Variants in TMEM171 observed in about 807,000 individuals in gnomAD.
TMEM171 encodes proline-rich protein PRP2.
In TMEM171, 16 loss-of-function variants were observed where a neutral mutation model predicts 19.1. That is an observed-to-expected ratio of 0.84 (90% CI 0.57 to 1.27). The LOEUF is 1.27. TMEM171 is among the 50% of genes most tolerant of loss of function. The pLI, the probability that TMEM171 is intolerant of heterozygous loss-of-function variation, is 0.00. For missense variants in TMEM171, 429 were observed against 412.7 expected, an observed-to-expected ratio of 1.04 and a Z score of -0.34; for synonymous variants, 153 against 163.4, an observed-to-expected ratio of 0.94 and a Z score of 0.48.
At chr5:73,127,384 A>AAATATATATATATATATATAT in intron 2 of TMEM171, among the ~76,000 whole-genome samples, 4 of 81,682 alleles carry the variant, frequency 4.9e-5, no homozygotes, top group African/African-American at 1.3e-4. Flanking sequence ...AAAAAAAAAA[A>AAATATATATATATATATATAT]ATATATATAT....
Position 73,123,836 on chromosome 5 carries a change from C to T in TMEM171, c.463C>T (p.Pro155Ser). 1 of 1,613,216 alleles carries T rather than the reference C, an allele frequency of 6.2e-7. No individual in the cohort carries two copies. The highest frequency in any genetic ancestry group is 1.1e-5 in the South Asian group (1 of 90,914). Reference sequence around the variant, plus strand: ...CGAGACAGACACTGGCGACTCAGAGCCCCGGATGTGTGGGTTCCTTTCTCT... The same window carrying T: ...CGAGACAGACACTGGCGACTCAGAGTCCCGGATGTGTGGGTTCCTTTCTCT... ...LNETDTGDSE[P>S]RMCGFLSLQI... The change falls in exon 2 of 4, where the codon CCC becomes TCC. Residue 155 changes from proline to serine, a missense_variant. Physicochemically the swap from Pro to Ser is moderately conservative, Grantham distance 74. Transcript: ENST00000454765.
At chr5:73,131,294 T>G (rs1175769507) in intron 3 of TMEM171, among the ~76,000 whole-genome samples, 1 of 152,118 alleles carries the variant, frequency 6.6e-6, no homozygotes, top group East Asian at 1.9e-4. Flanking sequence ...TTCAATGTCT[T>G]TTCAATGACA....
At chr5:73,120,972 T>C (rs1371753401) in intron 1 of TMEM171, among the ~76,000 whole-genome samples, 1 of 152,222 alleles carries the variant, frequency 6.6e-6, no homozygotes, top group Non-Finnish European at 1.5e-5. Flanking sequence ...GAAATGTCTT[T>C]TGGAAAACCA....
chr5:73,131,517 GT>G lies in TMEM171; in HGVS notation c.783-19del. ...ACTGTTTTCATCCCCTCCCCTTCAT[GT>G]TCTCTCTCCTTCTCTTTAGCAGGAC... On this transcript the variant is annotated intron_variant, in intron 3 of 3. Transcript: ENST00000454765. 1 of 1,556,936 alleles carries G rather than the reference GT, an allele frequency of 6.4e-7. No homozygotes were observed. Among genetic ancestry groups the G allele is most frequent in the Admixed American group, 1.9e-5 (1 of 51,398 alleles).
chr5:73,131,563 G>A lies in TMEM171; in HGVS notation c.808G>A (p.Ala270Thr). 1 of 1,606,676 alleles carries A rather than the reference G, an allele frequency of 6.2e-7. No homozygotes were observed. The highest frequency in any genetic ancestry group is 8.5e-7 in the Non-Finnish European group (1 of 1,177,236). ...CAGGACCCCAACTTCAGAGGGTGCAGCCTCTGAAAGAGACTGTGAATCTAT... is the reference window on the plus strand; with the variant it reads ...CAGGACCCCAACTTCAGAGGGTGCAACCTCTGAAAGAGACTGTGAATCTAT... ...YGRTPTSEGA[A>T]SERDCESIYT... The change falls in exon 4 of 4, where the codon GCC becomes ACC. Residue 270 changes from alanine (A) to threonine (T), a missense_variant. Physicochemically the swap from Ala to Thr is moderately conservative, Grantham distance 58. Coordinates refer to ENST00000454765, the MANE Select transcript of TMEM171 (RefSeq NM_173490.8).
intron 3 of TMEM171, 53 bp from the exon 4 acceptor site, chr5:73,131,485 G>A: frequency 7.1e-7 from 1 of 1,415,338 alleles, no homozygotes; most frequent in Non-Finnish European, 9.5e-7. Context: ...AGTACTAAAG[G>A]GGTGTCACTG....
intron 3 of TMEM171, among the ~76,000 whole-genome samples, chr5:73,130,662 A>AT (rs1187974140): frequency 6.6e-6 from 1 of 151,880 alleles, no homozygotes; most frequent in Admixed American, 6.6e-5. Context: ...CTGATGGGAG[A>AT]GGGAAAGAGG....
chr5:73,121,886 G>T (rs780222865), intron 1 of TMEM171, among the ~76,000 whole-genome samples: 1 of 152,138 alleles, frequency 6.6e-6, no homozygotes, highest in Non-Finnish European at 1.5e-5. Context: ...CTTTCCTTGG[G>T]CAGGTGAAAA....
chr5:73,128,283 T>C, intron 2 of TMEM171, 107 bp from the exon 3 acceptor site: 1 of 1,322,944 alleles, frequency 7.6e-7, no homozygotes, highest in Middle Eastern at 1.9e-4. Context: ...GCAGCAGGTG[T>C]GTTGACCTTT....
chr5:73,124,220 T>A (rs149396953), intron 2 of TMEM171, among the ~76,000 whole-genome samples: 2 of 151,894 alleles, frequency 1.3e-5, no homozygotes, highest in African/African-American at 4.8e-5. Flanking sequence ...ATACATCTTT[T>A]CCCCCCCAGC....
chr5:73,122,759 A>G (rs1744038301), intron 1 of TMEM171, among the ~76,000 whole-genome samples: 1 of 152,252 alleles, frequency 6.6e-6, no homozygotes, highest in Non-Finnish European at 1.5e-5. Context: ...GTGTTCCTGA[A>G]CAGACTTCTT....
At chr5:73,126,759 A>G (rs551109039) in intron 2 of TMEM171, among the ~76,000 whole-genome samples, 91 of 152,336 alleles carry the variant, frequency 6.0e-4, no homozygotes, top group Middle Eastern at 3.4e-3. Context: ...AGCATCAGAC[A>G]TGCTAGGAGT....
chr5:73,131,209 T>G (rs1012382556), intron 3 of TMEM171, among the ~76,000 whole-genome samples: 1 of 148,216 alleles, frequency 6.7e-6, no homozygotes, highest in Non-Finnish European at 1.5e-5. Flanking sequence ...GAAGACAGAA[T>G]AGCAGAGAAC....
Position 73,131,726 on chromosome 5 carries a change from C to T in TMEM171, c.971C>T (p.Pro324Leu), listed in dbSNP as rs751210399. 8.6e-5 allele frequency: 138 copies of T among 1,606,184 alleles called. No individual in the cohort carries two copies. Among genetic ancestry groups the T allele is most frequent in the Non-Finnish European group, 1.1e-4 (127 of 1,177,110 alleles). The stretch of plus-strand genomic sequence containing the variant: ...CCTCTATCTTCTGAGCCTTCCCCAC[C>T]GTAAACTATGGACTCTAGTTCAGTT... ...FLPLSSEPSP[P>L] Residue 324 changes from proline (P) to leucine (L), a missense_variant, in exon 4 of 4, where the codon CCG becomes CTG. Coordinates refer to ENST00000454765, the MANE Select transcript of TMEM171 (RefSeq NM_173490.8).
At position 73,123,421 on chromosome 5, in the gene TMEM171, A is replaced by T. The variant is rs578202386; in HGVS notation, c.48A>T (p.Arg16Ser). ...AGCCAGATGGGGACCAGCAGGACAG[A>T]CACGTCAGCAAACTCATCTTCTGCT... Reference protein sequence around the residue: ...AAEPDGDQQDRHVSKLIFCFF... With the variant: ...AAEPDGDQQDSHVSKLIFCFF... The change falls in exon 2 of 4, where the codon AGA (arginine) becomes AGT (serine). Residue 16 changes from arginine to serine, a missense_variant. Coordinates refer to ENST00000454765, the MANE Select transcript of TMEM171 (RefSeq NM_173490.8). 2.5e-6 allele frequency: 4 copies of T among 1,614,174 alleles called. No homozygotes were observed. In the East Asian group the frequency reaches 8.9e-5, roughly 36 times the overall value.
At chr5:73,127,382 A>ATATATATATATATATATATATAT (rs879892153) in intron 2 of TMEM171, among the ~76,000 whole-genome samples, 20 of 68,252 alleles carry the variant, frequency 2.9e-4, no homozygotes, top group African/African-American at 1.4e-3. Context: ...AAAAAAAAAA[A>ATATATATATATATATATATATAT]AAATATATAT....
intron 3 of TMEM171, among the ~76,000 whole-genome samples, chr5:73,130,636 C>G (rs1744305972): frequency 6.6e-6 from 1 of 152,000 alleles, no homozygotes; most frequent in Non-Finnish European, 1.5e-5. Context: ...CCCACAAAAG[C>G]AGGGGGACAG....
At chr5:73,127,380 A>ATATATAT (rs1281485655) in intron 2 of TMEM171, among the ~76,000 whole-genome samples, 13 of 61,482 alleles carry the variant, frequency 2.1e-4, no homozygotes, top group African/African-American at 9.6e-4. Flanking sequence ...AAAAAAAAAA[A>ATATATAT]AAAAATATAT....
chr5:73,126,890 A>G (rs1744177292), intron 2 of TMEM171, among the ~76,000 whole-genome samples: 1 of 152,120 alleles, frequency 6.6e-6, no homozygotes, highest in South Asian at 2.1e-4. Context: ...AGAGCTCTAC[A>G]CTGTTCTGGT....
Sources: gnomAD v4.1 joint callset for allele counts (sites outside exome capture counted in the v4.1 genomes callset) on GRCh38, gnomAD v4.1.1 for gene constraint, MANE v1.5 for transcripts, NCBI Gene and HGNC (gene_info 2026-07-23, HGNC 2026-07-21) for gene names.